The following RNLS variants were observed in gnomAD, a reference collection of about 807,000 sequenced individuals.
The protein encoded by RNLS is renalase.
In RNLS, 39 loss-of-function variants were observed where a neutral mutation model predicts 39.8. The ratio of observed to expected loss-of-function variants is 0.98; its 90% confidence interval spans 0.76 to 1.28. The LOEUF is 1.28. Ranked by LOEUF, RNLS falls within the 50% of genes most tolerant of loss-of-function variation. The pLI is 0.00. For missense variants in RNLS, 410 were observed against 413.3 expected (o/e 0.99, Z 0.07); for synonymous variants, 147 against 150.7 (o/e 0.98, Z 0.18).
At chr10:88,259,721 A>G in the RNLS span, among the ~76,000 whole-genome samples, 1 of 152,198 alleles carries the variant, frequency 6.6e-6, no homozygotes, top group African/African-American at 2.4e-5. Context: ...ATAGGATTCA[A>G]CAGAAATTAA....
At chr10:88,384,707 ATAGTT>A (rs1007543754) in intron 4 of RNLS, among the ~76,000 whole-genome samples, 2 of 152,236 alleles carry the variant, frequency 1.3e-5, no homozygotes, top group African/African-American at 2.4e-5. Context: ...GATTAATAAA[ATAGTT>A]TATTATGTAC....
intron 4 of RNLS, among the ~76,000 whole-genome samples, chr10:88,524,998 T>TATAC (rs1554919255): frequency 2.1e-4 from 22 of 104,462 alleles, no homozygotes; most frequent in African/African-American, 4.2e-4. Flanking sequence ...TATATATATA[T>TATAC]ACACACACAC....
intron 4 of RNLS, among the ~76,000 whole-genome samples, chr10:88,541,183 C>T (rs1848019358): frequency 6.6e-6 from 1 of 152,068 alleles, no homozygotes; most frequent in South Asian, 2.1e-4. Context: ...GAACATAAAT[C>T]AATATAAAAA....
intron 5 of RNLS, among the ~76,000 whole-genome samples, chr10:88,348,558 A>G (rs1320470031): frequency 6.6e-6 from 1 of 152,180 alleles, no homozygotes; most frequent in African/African-American, 2.4e-5. Flanking sequence ...TGGATGCTGT[A>G]TAGATCTGTA....
the RNLS span, among the ~76,000 whole-genome samples, chr10:88,265,323 C>CTTTT: frequency 3.0e-4 from 18 of 59,066 alleles, no homozygotes; most frequent in African/African-American, 9.3e-4. Flanking sequence ...CAGGGTTTTT[C>CTTTT]TTTTTTTTTT....
rs370260431 is a variant in RNLS, at chr10:88,573,101, G to A, written c.368-40C>T. On this transcript the variant is annotated intron_variant, in intron 3 of 6. Coordinates refer to ENST00000331772, the MANE Select transcript of RNLS (RefSeq NM_001031709.3). The stretch of plus-strand genomic sequence containing the variant: ...AAATCATGTCCCCATTATCAGAATT[G>A]CATATATGAATAAAGGGGATGTGAG... 2.5e-6 allele frequency: 4 copies of A among 1,595,286 alleles called. No homozygotes were observed. The African/African-American group carries it at 5.4e-5, about 21-fold the overall frequency.
the RNLS span, among the ~76,000 whole-genome samples, chr10:88,183,374 G>C: frequency 1.3e-5 from 2 of 152,096 alleles, no homozygotes; most frequent in South Asian, 2.1e-4. Flanking sequence ...CAACTTCATA[G>C]ACATTGAGAA....
chr10:88,427,662 T>C (rs1375442813), intron 4 of RNLS, among the ~76,000 whole-genome samples: 2 of 151,952 alleles, frequency 1.3e-5, no homozygotes, highest in Non-Finnish European at 2.9e-5. Context: ...TACTATTTGA[T>C]ACAAATAAAG....
intron 4 of RNLS, among the ~76,000 whole-genome samples, chr10:88,483,363 T>A (rs1199970864): frequency 6.6e-6 from 1 of 152,156 alleles, no homozygotes; most frequent in African/African-American, 2.4e-5. Flanking sequence ...ACTTTGTACC[T>A]TTATATTCCA....
intron 4 of RNLS, among the ~76,000 whole-genome samples, chr10:88,400,315 C>T (rs2133634534): frequency 6.6e-6 from 1 of 152,054 alleles, no homozygotes; most frequent in East Asian, 1.9e-4. Context: ...TCCCTATTTT[C>T]CTTTGATCTC....
chr10:88,401,647 G>GT (rs1398425591), intron 4 of RNLS, among the ~76,000 whole-genome samples: 2 of 151,934 alleles, frequency 1.3e-5, no homozygotes, highest in Non-Finnish European at 2.9e-5. Context: ...TCTTTTTGTT[G>GT]TTGATTTGCT....
chr10:88,505,569 T>TA (rs1007865157), intron 4 of RNLS, among the ~76,000 whole-genome samples: 1 of 151,622 alleles, frequency 6.6e-6, no homozygotes, highest in Non-Finnish European at 1.5e-5. Flanking sequence ...GAAGGAATAA[T>TA]AAAAAAAAGT....
At chr10:88,374,871 C>A (rs1020188506) in intron 4 of RNLS, among the ~76,000 whole-genome samples, 1 of 152,042 alleles carries the variant, frequency 6.6e-6, no homozygotes, top group Non-Finnish European at 1.5e-5. Flanking sequence ...CCAGCTCAGG[C>A]AGCAAGCAAA....
In RNLS at chr10:88,581,617, A is replaced by T. The variant is rs1850564255; in HGVS notation, c.317T>A (p.Val106Glu). The change falls in exon 3 of 7, where the codon GTG (valine) becomes GAG (glutamate). Residue 106 changes from valine (V) to glutamate (E), a missense_variant. Physicochemically the swap from Val to Glu is moderately radical, Grantham distance 121. Coordinates refer to ENST00000331772, the MANE Select transcript of RNLS (RefSeq NM_001031709.3). ...MVMKEGDCNFVAPQGISSIIK... is the reference protein window; with the variant it reads ...MVMKEGDCNFEAPQGISSIIK... The stretch of plus-strand genomic sequence containing the variant: ...AATTGAAGAAATTCCTTGAGGTGCC[A>T]CAAAGTTACAGTCTCCTTCTTTCAT... 20 of 1,609,620 alleles carry T rather than the reference A, an allele frequency of 1.2e-5. No individual in the cohort carries two copies. Among genetic ancestry groups the T allele is most frequent in the Non-Finnish European group, 1.6e-5 (19 of 1,177,958 alleles).
rs191302141 is a variant in RNLS, at chr10:88,359,292, G to A, written c.700+3260C>T. Among the ~76,000 whole-genome samples the A allele has an allele frequency of 3.0e-4, 44 of 147,746 alleles. No individual in the cohort carries two copies. The East Asian group carries it at 8.1e-3, about 27-fold the overall frequency. On this transcript the variant is annotated intron_variant, in intron 5 of 6. Coordinates refer to ENST00000331772, the MANE Select transcript of RNLS (RefSeq NM_001031709.3). Reference sequence around the variant, plus strand: ...GATCTTGCCACTACACTACAGCCTGGGCCACAGAGCGAAACTACATTAAAA... The same window carrying A: ...GATCTTGCCACTACACTACAGCCTGAGCCACAGAGCGAAACTACATTAAAA...
At chr10:88,354,180 CTCTG>C (rs1399682161) in intron 5 of RNLS, among the ~76,000 whole-genome samples, 2 of 152,154 alleles carry the variant, frequency 1.3e-5, no homozygotes, top group Non-Finnish European at 2.9e-5. Flanking sequence ...ATTTGCCAGT[CTCTG>C]TCTTTTGATT....
At chr10:88,373,426 C>T (rs907427805) in intron 4 of RNLS, among the ~76,000 whole-genome samples, 1 of 152,014 alleles carries the variant, frequency 6.6e-6, no homozygotes, top group Non-Finnish European at 1.5e-5. Context: ...TTAGCTAAAG[C>T]CAAAGCAAAT....
intron 6 of RNLS, among the ~76,000 whole-genome samples, chr10:88,286,874 T>G (rs1843310369): frequency 1.3e-5 from 2 of 151,534 alleles, no homozygotes. Context: ...CTCACTGCAC[T>G]CTTGAACTCC....
chr10:88,279,468 C>A (rs901863370), downstream of RNLS, among the ~76,000 whole-genome samples: 3 of 151,970 alleles, frequency 2.0e-5, no homozygotes, highest in Non-Finnish European at 4.4e-5. Flanking sequence ...GAGGGCCCTG[C>A]GGCTCGAGAC....
Sources: allele counts gnomAD v4.1 joint callset (sites outside exome capture counted in the v4.1 genomes callset), GRCh38; gene constraint gnomAD v4.1.1; transcripts MANE v1.5; gene names NCBI Gene and HGNC (gene_info 2026-07-23, HGNC 2026-07-21).